The following PTPRJ variants were observed in gnomAD, a reference collection of about 807,000 sequenced individuals.
The protein encoded by PTPRJ is protein tyrosine phosphatase receptor type J.
A neutral mutation model predicts 141.3 loss-of-function variants in PTPRJ; 129 were observed. The observed-to-expected ratio is 0.91, with a 90% CI of 0.79 to 1.06. The LOEUF is 1.06. PTPRJ is among the 50% of genes least tolerant of loss of function. The pLI is 0.00. For synonymous variants in PTPRJ, 610 were observed against 640.5 expected (o/e 0.95, Z 0.72); for missense variants, 1,601 against 1,679.7 (o/e 0.95, Z 0.82).
intron 1 of PTPRJ, among the ~76,000 whole-genome samples, chr11:48,077,945 C>T (rs1855451060): frequency 6.6e-6 from 1 of 152,120 alleles, no homozygotes; most frequent in South Asian, 2.1e-4. Context: ...AAGTGAATGG[C>T]ATAAACAGAT....
intron 1 of PTPRJ, among the ~76,000 whole-genome samples, chr11:48,030,625 C>A (rs1226367129): frequency 6.6e-6 from 1 of 152,178 alleles, no homozygotes; most frequent in Non-Finnish European, 1.5e-5. Context: ...TGCCTGTAAT[C>A]CCAGCTACTA....
At chr11:48,079,089 A>G (rs925732182) in intron 1 of PTPRJ, among the ~76,000 whole-genome samples, 3 of 152,062 alleles carry the variant, frequency 2.0e-5, no homozygotes, top group Admixed American at 2.0e-4. Context: ...TCCCTGGGCC[A>G]CACTGGAAGA....
At chr11:48,148,889 C>T (rs897797068) in intron 15 of PTPRJ, among the ~76,000 whole-genome samples, 94 of 152,064 alleles carry the variant, frequency 6.2e-4, no homozygotes, top group African/African-American at 2.2e-3. Context: ...ACGATTATTT[C>T]CTTAGGCTAA....
At chr11:47,998,203 C>CATTT (rs754905479) in intron 1 of PTPRJ, among the ~76,000 whole-genome samples, 18 of 151,786 alleles carry the variant, frequency 1.2e-4, no homozygotes, top group Non-Finnish European at 2.4e-4. Context: ...GCTGGGCTCT[C>CATTT]ATTTTATCCT....
chr11:48,156,185 G>T (rs1195917777), intron 21 of PTPRJ, 66 bp downstream of exon 21: 19 of 1,372,506 alleles, frequency 1.4e-5, no homozygotes, highest in Non-Finnish European at 1.8e-5. Context: ...TGGCAGAAGG[G>T]TATCTTAAAA....
chr11:48,046,914 T>G (rs56012048), intron 1 of PTPRJ, among the ~76,000 whole-genome samples: 1 of 59,670 alleles, frequency 1.7e-5, no homozygotes, highest in African/African-American at 8.3e-5. Context: ...ATATATATAT[T>G]TTTTTTTTTT....
chr11:48,044,752 G>A (rs1854348974), intron 1 of PTPRJ: 1 of 152,348 alleles, frequency 6.6e-6, no homozygotes, highest in African/African-American at 2.4e-5. Flanking sequence ...CAAAGCTAAA[G>A]GGGAAGGAAG....
chr11:48,100,889 A>G (rs1856133306), intron 1 of PTPRJ, among the ~76,000 whole-genome samples: 1 of 111,400 alleles, frequency 9.0e-6, no homozygotes, highest in South Asian at 2.6e-4. Context: ...TCTCAAAAAG[A>G]AAAAAAAAAA....
intron 1 of PTPRJ, among the ~76,000 whole-genome samples, chr11:48,088,287 T>C (rs1344061651): frequency 6.6e-6 from 1 of 152,178 alleles, no homozygotes; most frequent in East Asian, 1.9e-4. Flanking sequence ...TTAACAGAGA[T>C]ATCACAGAGT....
At chr11:48,089,565 A>G (rs1855813017) in intron 1 of PTPRJ, among the ~76,000 whole-genome samples, 1 of 151,608 alleles carries the variant, frequency 6.6e-6, no homozygotes, top group African/African-American at 2.4e-5. Flanking sequence ...AAAAATAAAT[A>G]TTGCCTGTAC....
At chr11:48,152,293 T>G (rs1457887656) in intron 18 of PTPRJ, among the ~76,000 whole-genome samples, 1 of 152,208 alleles carries the variant, frequency 6.6e-6, no homozygotes, top group East Asian at 1.9e-4. Flanking sequence ...TTGATGGGGT[T>G]GTTTGATTTT....
chr11:48,069,692 C>T (rs1855188937), intron 1 of PTPRJ, among the ~76,000 whole-genome samples: 1 of 151,904 alleles, frequency 6.6e-6, no homozygotes, highest in African/African-American at 2.4e-5. Flanking sequence ...ACCTCGTGAT[C>T]CGCCCACCTC....
chr11:48,008,858 C>T (rs549980940), intron 1 of PTPRJ, among the ~76,000 whole-genome samples: 2 of 152,196 alleles, frequency 1.3e-5, no homozygotes, highest in Non-Finnish European at 2.9e-5. Flanking sequence ...AGCCACCATG[C>T]CTGGCCACAC....
intron 1 of PTPRJ, among the ~76,000 whole-genome samples, chr11:48,020,571 C>T (rs369553006): frequency 3.3e-5 from 5 of 151,902 alleles, no homozygotes; most frequent in Admixed American, 6.6e-5. Context: ...CAGTGCAGTC[C>T]GGGGGCAGAG....
intron 1 of PTPRJ, among the ~76,000 whole-genome samples, chr11:47,998,520 C>T (rs1362694557): frequency 6.6e-6 from 1 of 152,178 alleles, no homozygotes; most frequent in Non-Finnish European, 1.5e-5. Flanking sequence ...GTATGTGGCT[C>T]TCCTGTAATC....
At chr11:47,990,988 G>T (rs1046253963) in intron 1 of PTPRJ, among the ~76,000 whole-genome samples, 1 of 151,770 alleles carries the variant, frequency 6.6e-6, no homozygotes, top group Non-Finnish European at 1.5e-5. Flanking sequence ...GGAAAGTGTT[G>T]GGATTACAGG....
chr11:48,079,033 C>T (rs1855491502), intron 1 of PTPRJ, among the ~76,000 whole-genome samples: 1 of 151,834 alleles, frequency 6.6e-6, no homozygotes, highest in Admixed American at 6.6e-5. Context: ...CAAAGACGGG[C>T]AGGATCAAGG....
rs537335256 is a variant in PTPRJ at position 48,044,411 on chromosome 11, T to A, written c.96+63403T>A. 7.2e-5 allele frequency among the ~76,000 whole-genome samples: 11 copies of A among 152,294 alleles called. No homozygotes were observed. In the South Asian group the frequency reaches 1.4e-3, roughly 20 times the overall value. ...GGGCCTAAGAGGAATTGGATCACCC[T>A]GGAACCTAGCTGGGGCTAGGATGGT... On this transcript the variant is annotated intron_variant, in intron 1 of 24. Transcript: ENST00000418331.
Position 48,124,995 on chromosome 11 carries a change from C to G in PTPRJ, c.902C>G (p.Ala301Gly), listed in dbSNP as rs760144194. Reference sequence around the variant, plus strand: ...GCCAGCAATACAGAGAGAAGCCGGGCAGGGAGCCCCACCGCCCCTGTGCAT... The same window carrying G: ...GCCAGCAATACAGAGAGAAGCCGGGGAGGGAGCCCCACCGCCCCTGTGCAT... ...LDASNTERSRAGSPTAPVHDE... is the reference protein window; with the variant it reads ...LDASNTERSRGGSPTAPVHDE... The change falls in exon 6 of 25, where the codon GCA (alanine) becomes GGA (glycine). Residue 301 changes from alanine to glycine, a missense_variant. Physicochemically the swap from Ala to Gly is moderately conservative, Grantham distance 60. Transcript: ENST00000418331. The G allele has an allele frequency of 2.5e-6, 4 of 1,614,030 alleles. No homozygotes were observed. In the South Asian group the frequency reaches 4.4e-5, roughly 18 times the overall value.
Sources: allele counts gnomAD v4.1 joint callset (sites outside exome capture counted in the v4.1 genomes callset), GRCh38; gene constraint gnomAD v4.1.1; transcripts MANE v1.5; gene names NCBI Gene and HGNC (gene_info 2026-07-23, HGNC 2026-07-21).